Variants in LRP1B observed in about 807,000 individuals in gnomAD.
The protein encoded by LRP1B is low-density lipoprotein receptor-related protein 1B.
In LRP1B, 217 loss-of-function variants were observed where a neutral mutation model predicts 556.6. The observed-to-expected ratio is 0.39, with a 90% CI of 0.35 to 0.44. The LOEUF is 0.44. LRP1B is among the 20% of genes least tolerant of loss of function. The pLI, the probability that LRP1B is intolerant of heterozygous loss-of-function variation, is 1.00. For missense variants in LRP1B, 5,053 were observed against 5,620.8 expected (o/e 0.90, Z 3.23); for synonymous variants, 2,047 against 1,865.8 (o/e 1.10, Z -2.50).
At chr2:140,289,889 G>T (rs1341883221) in intron 84 of LRP1B, among the ~76,000 whole-genome samples, 1 of 151,744 alleles carries the variant, frequency 6.6e-6, no homozygotes, top group African/African-American at 2.4e-5. Flanking sequence ...TGGAATGTAA[G>T]CACCCAGTTT....
intron 1 of LRP1B, among the ~76,000 whole-genome samples, chr2:141,903,397 C>T (rs1699676102): frequency 6.6e-6 from 1 of 152,034 alleles, no homozygotes; most frequent in East Asian, 1.9e-4. Flanking sequence ...AGAGCTTTCA[C>T]TCCATCTCAT....
intron 3 of LRP1B, among the ~76,000 whole-genome samples, chr2:141,276,658 CTTTTT>C (rs11353705): frequency 8.1e-6 from 1 of 122,922 alleles, no homozygotes; most frequent in Non-Finnish European, 1.7e-5. Flanking sequence ...TTCTTTCTTT[CTTTTT>C]TTTTTTTTTT....
intron 1 of LRP1B, among the ~76,000 whole-genome samples, chr2:142,103,616 G>C (rs1706642054): frequency 6.6e-6 from 1 of 151,906 alleles, no homozygotes; most frequent in Non-Finnish European, 1.5e-5. Flanking sequence ...AAATAAAAAA[G>C]AAAGAAGTCT....
At chr2:140,542,686 A>T (rs1680181364) in intron 43 of LRP1B, among the ~76,000 whole-genome samples, 1 of 152,158 alleles carries the variant, frequency 6.6e-6, no homozygotes, top group South Asian at 2.1e-4. Flanking sequence ...GTAGCAGCAC[A>T]CACAGGACAG....
intron 2 of LRP1B, among the ~76,000 whole-genome samples, chr2:141,572,835 CAA>C (rs1686582738): frequency 6.6e-6 from 1 of 151,912 alleles, no homozygotes; most frequent in African/African-American, 2.4e-5. Context: ...CAATAAAGAT[CAA>C]AAGAGACAAA....
At chr2:141,054,608 A>G in intron 10 of LRP1B, among the ~76,000 whole-genome samples, 1 of 152,164 alleles carries the variant, frequency 6.6e-6, no homozygotes, top group South Asian at 2.1e-4. Flanking sequence ...AAAATCATTA[A>G]ATGTTTGATC....
chr2:140,939,711 A>G lies in LRP1B; in HGVS notation c.3136+10524T>C, dbSNP rs138051087. 1.2e-4 allele frequency among the ~76,000 whole-genome samples: 18 copies of G among 151,712 alleles called. No individual in the cohort carries two copies. The East Asian group carries it at 2.7e-3, about 23-fold the overall frequency. ...AAGAAGGTATTAAAGAACAATGACA[A>G]TAAACCAGAACAATGACAATAAACC... On this transcript the variant is annotated intron_variant, in intron 20 of 90. Transcript: ENST00000389484.
chr2:140,642,982 T>A (rs1684356795), intron 41 of LRP1B, among the ~76,000 whole-genome samples: 1 of 152,204 alleles, frequency 6.6e-6, no homozygotes, highest in Non-Finnish European at 1.5e-5. Flanking sequence ...TATTCTATAT[T>A]CCATCTTGTG....
intron 66 of LRP1B, among the ~76,000 whole-genome samples, chr2:140,420,133 A>C (rs556365207): frequency 7.3e-4 from 111 of 152,226 alleles, no homozygotes; most frequent in African/African-American, 2.5e-3. Context: ...AGCATTTAGA[A>C]ATTTATAGAA....
chr2:142,028,695 G>A (rs529746271), intron 1 of LRP1B, among the ~76,000 whole-genome samples: 5 of 151,990 alleles, frequency 3.3e-5, no homozygotes, highest in East Asian at 3.9e-4. Flanking sequence ...CCTAGAAGTC[G>A]GGTTCAGTGG....
chr2:140,808,373 AATAAT>A (rs1427440653), intron 32 of LRP1B, among the ~76,000 whole-genome samples: 1 of 152,218 alleles, frequency 6.6e-6, no homozygotes, highest in African/African-American at 2.4e-5. Context: ...ACATTTAAAA[AATAAT>A]ATAAAAACTG....
chr2:141,135,911 C>T (rs568714747), intron 7 of LRP1B, among the ~76,000 whole-genome samples: 2 of 151,934 alleles, frequency 1.3e-5, no homozygotes, highest in South Asian at 2.1e-4. Context: ...AAGAAACTTA[C>T]TCTGAAAACA....
intron 2 of LRP1B, among the ~76,000 whole-genome samples, chr2:141,553,730 AATATATT>A (rs1685841858): frequency 5.7e-5 from 1 of 17,412 alleles, no homozygotes; most frequent in African/African-American, 6.1e-5. Context: ...ATATCTATAT[AATATATT>A]ATATATAAAA....
intron 86 of LRP1B, among the ~76,000 whole-genome samples, chr2:140,260,320 A>T (rs1038543795): frequency 6.6e-6 from 1 of 151,914 alleles, no homozygotes; most frequent in South Asian, 2.1e-4. Context: ...AAATAATTTT[A>T]AAATGTTGTA....
At chr2:141,634,790 A>G (rs1265898320) in intron 2 of LRP1B, among the ~76,000 whole-genome samples, 1 of 151,942 alleles carries the variant, frequency 6.6e-6, no homozygotes, top group Non-Finnish European at 1.5e-5. Context: ...AATTGTGGTG[A>G]CCCATTTCAG....
chr2:140,343,861 G>C (rs1367276740), intron 77 of LRP1B, among the ~76,000 whole-genome samples: 2 of 151,630 alleles, frequency 1.3e-5, no homozygotes, highest in Non-Finnish European at 3.0e-5. Flanking sequence ...TAAAATTCTA[G>C]AAAGAGCAAA....
At chr2:141,055,499 T>G (rs954056295) in intron 9 of LRP1B, among the ~76,000 whole-genome samples, 4 of 151,964 alleles carry the variant, frequency 2.6e-5, no homozygotes, top group African/African-American at 9.7e-5. Context: ...AAATAAAATG[T>G]GTTTATATTA....
chr2:141,804,301 T>C (rs1294070411), intron 2 of LRP1B, among the ~76,000 whole-genome samples: 2 of 152,124 alleles, frequency 1.3e-5, no homozygotes, highest in Non-Finnish European at 2.9e-5. Context: ...ACTCAACTTC[T>C]TTATTTTTTA....
At chr2:142,044,746 T>C (rs1704194579) in intron 1 of LRP1B, among the ~76,000 whole-genome samples, 1 of 151,298 alleles carries the variant, frequency 6.6e-6, no homozygotes, top group African/African-American at 2.4e-5. Flanking sequence ...AGGGGCATTC[T>C]GATACAGAAG....
Sources: gnomAD v4.1 joint callset for allele counts (sites outside exome capture counted in the v4.1 genomes callset) on GRCh38, gnomAD v4.1.1 for gene constraint, MANE v1.5 for transcripts, NCBI Gene and HGNC (gene_info 2026-07-23, HGNC 2026-07-21) for gene names.